Variants in WRAP73 observed in about 807,000 individuals in gnomAD.
WRAP73 encodes WD repeat containing, antisense to TP73, also known as WD repeat-containing protein WRAP73.
Under a neutral mutation model 59.6 loss-of-function variants are expected in WRAP73, and 55 were observed. The observed-to-expected ratio is 0.92, with a 90% CI of 0.74 to 1.15. The LOEUF is 1.15. Among genes scored for constraint, WRAP73 ranks in the 50% most tolerant of loss-of-function variants. WRAP73 has a pLI of 0.00. For missense variants in WRAP73, 592 were observed against 608.1 expected (o/e 0.97, Z 0.28); for synonymous variants, 265 against 258.2 (o/e 1.03, Z -0.25).
At chr1:3,643,124 C>T (rs897134638) in intron 3 of WRAP73, among the ~76,000 whole-genome samples, 1 of 152,206 alleles carries the variant, frequency 6.6e-6, no homozygotes. Context: ...GACTGAATGG[C>T]GTTCCTCACG....
chr1:3,631,382 G>T (rs954122099), intron 11 of WRAP73, 84 bp downstream of exon 11: 6 of 1,488,564 alleles, frequency 4.0e-6, no homozygotes, highest in Non-Finnish European at 5.5e-6. Flanking sequence ...GGAGACAGCA[G>T]CTGGGCTTCA....
chr1:3,649,923 C>G lies in WRAP73; in HGVS notation c.69+8G>C. On this transcript the variant is annotated splice_region_variant and intron_variant, in intron 1 of 11. Transcript: ENST00000270708. ...GTCCTGCCCGTGGCCCAGGTCCCCGCCGCTCACCAGGTACTTGCCGTCCGG... is the reference window on the plus strand; with the variant it reads ...GTCCTGCCCGTGGCCCAGGTCCCCGGCGCTCACCAGGTACTTGCCGTCCGG... 6.3e-7 allele frequency: 1 copy of G among 1,597,774 alleles called. No homozygotes were observed. Among genetic ancestry groups the G allele is most frequent in the South Asian group, 1.1e-5 (1 of 88,560 alleles).
Position 3,630,814 on chromosome 1 carries a change from T to C in WRAP73, c.*161A>G. On this transcript the variant is annotated 3_prime_UTR_variant, in exon 12 of 12. Transcript: ENST00000270708. Reference sequence around the variant, plus strand: ...TTTATTTTAAATAATAAAACTACAGTTTTATACCATACATATTTACAAAAA... The same window carrying C: ...TTTATTTTAAATAATAAAACTACAGCTTTATACCATACATATTTACAAAAA... 2.3e-6 allele frequency: 2 copies of C among 882,458 alleles called. No homozygotes were observed. The highest frequency in any genetic ancestry group is 3.4e-6 in the Non-Finnish European group (2 of 586,816). The allele number at this position is 882,458 out of a possible 1,614,324, so 54.7% of individuals were successfully genotyped here. A position where few individuals can be genotyped will look rare whatever the true frequency, so the allele number is the denominator to read the frequency against.
At chr1:3,632,427 C>T (rs1644545756) in intron 9 of WRAP73, 89 bp from the exon 10 acceptor site, 15 of 1,597,836 alleles carry the variant, frequency 9.4e-6, no homozygotes, top group East Asian at 2.2e-5. Context: ...CATCGGGCAT[C>T]GCGAACCCAG....
chr1:3,631,257 C>T, intron 11 of WRAP73, 140 bp from the exon 12 acceptor site: 1 of 1,439,172 alleles, frequency 6.9e-7, no homozygotes, highest in Non-Finnish European at 9.4e-7. Context: ...CCAGAGCTGC[C>T]TCAAGTCAGG....
rs762786437 is a variant in WRAP73 at position 3,638,775 on chromosome 1, G to C, written c.387C>G (p.Ile129Met). 1.2e-6 allele frequency: 2 copies of C among 1,614,178 alleles called. No individual in the cohort carries two copies. The highest frequency in any genetic ancestry group is 3.3e-5 in the Admixed American group (2 of 60,020). ...CCTGCAGACAAGCTTTCGGGTATTT[G>C]ATGTAAGACACGGATTTTGTGCACA... ...WSLCTKSVSYIKYPKACLQGI... is the reference protein window; with the variant it reads ...WSLCTKSVSYMKYPKACLQGI... The change falls in exon 4 of 12, where the codon ATC becomes ATG. Residue 129 changes from isoleucine (I) to methionine (M), a missense_variant. Ile to Met is a conservative substitution (Grantham distance 10). Transcript: ENST00000270708.
Position 3,635,068 on chromosome 1 carries a change from T to C in WRAP73, c.745A>G (p.Ile249Val), listed in dbSNP as rs1644576461. 6.2e-7 allele frequency: 1 copy of C among 1,614,214 alleles called. No homozygotes were observed. The highest frequency in any genetic ancestry group is 2.2e-5 in the East Asian group (1 of 44,884). The change falls in exon 8 of 12, where the codon ATC becomes GTC. Residue 249 changes from isoleucine to valine, a missense_variant. Transcript: ENST00000270708. The stretch of plus-strand genomic sequence containing the variant: ...ATTTTCCAAGTCACGTGATTAAGGA[T>C]GCGCACCTGAGGAAGGAAACCATGC... ...AVGSYDGKVR[I>V]LNHVTWKMIT...
At chr1:3,631,778 G>A (rs2181485) in intron 10 of WRAP73, 121 bp from the exon 11 acceptor site, 329,868 of 1,453,570 alleles carry the variant, frequency 0.23, 38,453 homozygotes, top group East Asian at 0.33. Flanking sequence ...GGGGTGGGGC[G>A]GCTGCACCCT....
chr1:3,643,005 G>A (rs914361042), intron 3 of WRAP73, among the ~76,000 whole-genome samples: 2 of 152,138 alleles, frequency 1.3e-5, no homozygotes, highest in Admixed American at 1.3e-4. Flanking sequence ...CGTCTGCTAC[G>A]GCCAAGCAAG....
chr1:3,649,796 G>T, intron 1 of WRAP73, 135 bp downstream of exon 1: 1 of 899,240 alleles, frequency 1.1e-6, no homozygotes. Context: ...ACCTGCCCGG[G>T]CCCCGCACCT....
Position 3,631,284 on chromosome 1 carries a change from C to G in WRAP73, c.1241-167G>C. 2.2e-6 allele frequency: 3 copies of G among 1,339,014 alleles called. No homozygotes were observed. In the South Asian group the frequency reaches 4.2e-5, roughly 19 times the overall value. 82.9% of individuals were successfully genotyped at this position (1,339,014 alleles called of 1,614,324 possible). A position where few individuals can be genotyped will look rare whatever the true frequency, so the allele number is the denominator to read the frequency against. On this transcript the variant is annotated intron_variant, in intron 11 of 11. Coordinates refer to ENST00000270708, the MANE Select transcript of WRAP73 (RefSeq NM_017818.4). ...CAAGTCAGGGAGAGGCTGCTTCTAG[C>G]CCATAAAGCTGAGGGCAGCGGGTCC... is the stretch of plus-strand genomic sequence containing the variant.
At chr1:3,636,098 G>T in intron 5 of WRAP73, 68 bp from the exon 6 acceptor site, 2 of 1,186,908 alleles carry the variant, frequency 1.7e-6, no homozygotes, top group South Asian at 1.3e-5. Context: ...TTGCATTTAT[G>T]ACTGATGTTC....
chr1:3,648,408 G>A (rs1033914977), intron 1 of WRAP73, among the ~76,000 whole-genome samples: 9 of 152,196 alleles, frequency 5.9e-5, no homozygotes, highest in African/African-American at 1.9e-4. Flanking sequence ...AGAAAGCCAC[G>A]TTAGTTTTCC....
Position 3,639,613 on chromosome 1 carries a change from T to C in WRAP73, c.340-791A>G, listed in dbSNP as rs1346258588. On this transcript the variant is annotated intron_variant, in intron 3 of 11. Coordinates refer to ENST00000270708, the MANE Select transcript of WRAP73 (RefSeq NM_017818.4). The surrounding 1 kb of genome is among the most constrained non-coding windows in gnomAD (Gnocchi z 4.3). ...CCCCGTGGAGCCTACCAGGGAATCA[T>C]CTTGCTTCCCACATCCCCGGCCCAC... is the stretch of plus-strand genomic sequence containing the variant. The C allele has an allele frequency of 1.3e-5, 2 of 152,256 alleles. No individual in the cohort carries two copies. Among genetic ancestry groups the C allele is most frequent in the East Asian group, 3.8e-4 (2 of 5,196 alleles). 9.4% of individuals were successfully genotyped at this position (152,256 alleles called of 1,614,324 possible).
In WRAP73 at chr1:3,631,575, G is replaced by A. The variant is rs757525020; in HGVS notation, c.1131C>T (p.Arg377=). 4.4e-5 allele frequency: 71 copies of A among 1,609,858 alleles called. No homozygotes were observed. The highest frequency in any genetic ancestry group is 9.3e-5 in the African/African-American group (7 of 74,930). ...FAVLEQLSPV[R]AFQWDPQQPR... is the part of the protein sequence containing the mutation. ...GCTGCTGCGGGTCCCACTGAAATGCGCGCACTGGGGACAGCTGCTCGAGCA... is the reference window on the plus strand; with the variant it reads ...GCTGCTGCGGGTCCCACTGAAATGCACGCACTGGGGACAGCTGCTCGAGCA... The change falls in exon 11 of 12, where the codon CGC becomes CGT. Residue 377 remains arginine, a synonymous_variant. Coordinates refer to ENST00000270708, the MANE Select transcript of WRAP73 (RefSeq NM_017818.4).
Position 3,631,551 on chromosome 1 carries a change from C to G in WRAP73, c.1155G>C (p.Gln385His). Residue 385 changes from glutamine (Q) to histidine (H), a missense_variant, in exon 11 of 12, where the codon CAG becomes CAC. By Grantham distance (24) the Gln-to-His change is conservative. Transcript: ENST00000270708. ...CTCCCGTGCAGATGGCCAGCCGCGG[C>G]TGCTGCGGGTCCCACTGAAATGCGC... ...PVRAFQWDPQ[Q>H]PRLAICTGGS... 6.2e-7 allele frequency: 1 copy of G among 1,611,396 alleles called. No homozygotes were observed. The highest frequency in any genetic ancestry group is 1.1e-5 in the South Asian group (1 of 90,858).
chr1:3,636,076 G>C (rs77210968), intron 5 of WRAP73, 46 bp from the exon 6 acceptor site: 3 of 1,427,348 alleles, frequency 2.1e-6, no homozygotes, highest in Non-Finnish European at 3.0e-6. Context: ...AAATATTTTC[G>C]TAAATAAATA....
chr1:3,647,424 T>G lies in WRAP73; in HGVS notation c.206A>C (p.Lys69Thr). ...AGCACACACCTGCACCAGCCCTCGC[T>G]TGTACATGGCGCACAGGATGAAGAG... The part of the protein sequence containing the change: ...DSLFILCAMY[K>T]RGLVQVWSLE... Residue 69 changes from lysine to threonine, a missense_variant, in exon 2 of 12, where the codon AAG (lysine) becomes ACG (threonine). Lys to Thr is a moderately conservative substitution (Grantham distance 78). Coordinates refer to ENST00000270708, the MANE Select transcript of WRAP73 (RefSeq NM_017818.4). 6.2e-7 allele frequency: 1 copy of G among 1,613,756 alleles called. No homozygotes were observed. The highest frequency in any genetic ancestry group is 8.5e-7 in the Non-Finnish European group (1 of 1,179,910).
rs12078583 is a variant in WRAP73, at chr1:3,637,425, C to T, written c.413-327G>A. Among the ~76,000 whole-genome samples, 345 of 144,322 alleles carry T rather than the reference C, an allele frequency of 2.4e-3. 1 individual carries two copies. The highest frequency in any genetic ancestry group is 8.1e-3 in the African/African-American group (334 of 41,308). 94.7% of individuals were successfully genotyped at this position (144,322 alleles called of 152,430 possible). A position where few individuals can be genotyped will look rare whatever the true frequency, so the allele number is the denominator to read the frequency against. On this transcript the variant is annotated intron_variant, in intron 4 of 11. Coordinates refer to ENST00000270708, the MANE Select transcript of WRAP73 (RefSeq NM_017818.4). ...AATATGAGTGAGAAACACAGGCCTTCGAGTCCCCCCATGTCTAAGCTGCGG... is the reference window on the plus strand; with the variant it reads ...AATATGAGTGAGAAACACAGGCCTTTGAGTCCCCCCATGTCTAAGCTGCGG...
Sources: allele counts gnomAD v4.1 joint callset (sites outside exome capture counted in the v4.1 genomes callset), GRCh38; gene constraint gnomAD v4.1.1; non-coding constraint Gnocchi (gnomAD v3.1); transcripts MANE v1.5; gene names NCBI Gene and HGNC (gene_info 2026-07-23, HGNC 2026-07-21).